Variants in DGAT1 observed in about 807,000 individuals in gnomAD.
DGAT1 encodes ACAT related gene product 1.
DGAT1 carries 60 observed loss-of-function variants against 72.6 expected under a neutral mutation model. The ratio of observed to expected loss-of-function variants is 0.83; its 90% confidence interval spans 0.67 to 1.02. The LOEUF (loss-of-function observed/expected upper bound fraction) is 1.02. DGAT1 is among the 50% of genes least tolerant of loss of function. DGAT1 has a pLI of 0.00. For missense variants in DGAT1, 592 were observed against 670.0 expected, an observed-to-expected ratio of 0.88 and a Z score of 1.29; for synonymous variants, 290 against 267.5, an observed-to-expected ratio of 1.08 and a Z score of -0.82.
Position 144,318,764 on chromosome 8 carries a change from G to A in DGAT1, c.416-13C>T. The A allele has an allele frequency of 6.2e-7, 1 of 1,606,622 alleles. No homozygotes were observed. Among genetic ancestry groups the A allele is most frequent in the Non-Finnish European group, 8.5e-7 (1 of 1,176,878 alleles). ...AAGACATTGGCCGCTGTGGACAGAAGCACCAAGGGGCAGGTTTAGGGCCAC... is the reference window on the plus strand; with the variant it reads ...AAGACATTGGCCGCTGTGGACAGAAACACCAAGGGGCAGGTTTAGGGCCAC... On this transcript the variant is annotated splice_polypyrimidine_tract_variant and intron_variant, in intron 4 of 16. Coordinates refer to ENST00000528718, the MANE Select transcript of DGAT1 (RefSeq NM_012079.6).
chr8:144,324,714 C>A (rs1406751333), intron 1 of DGAT1, among the ~76,000 whole-genome samples: 9 of 152,172 alleles, frequency 5.9e-5, no homozygotes, highest in African/African-American at 2.2e-4. Flanking sequence ...TCTCCCCTGC[C>A]TACCCCCAGG....
intron 1 of DGAT1, among the ~76,000 whole-genome samples, chr8:144,322,301 G>C (rs182078523): frequency 2.8e-4 from 43 of 152,332 alleles, no homozygotes; most frequent in Non-Finnish European, 5.7e-4. Context: ...ACTAGCTGCA[G>C]GCCCGCCTCA....
intron 1 of DGAT1, 94 bp downstream of exon 1, chr8:144,326,343 C>T (rs1817591823): frequency 8.6e-7 from 1 of 1,165,390 alleles, no homozygotes; most frequent in Non-Finnish European, 1.1e-6. Flanking sequence ...TAGCCCAGGG[C>T]CCATGTTCTC....
intron 1 of DGAT1, among the ~76,000 whole-genome samples, chr8:144,323,900 C>T (rs1817526716): frequency 6.6e-6 from 1 of 152,260 alleles, no homozygotes; most frequent in Non-Finnish European, 1.5e-5. Context: ...ACTGCCGCCT[C>T]CTCCACTCTG....
At chr8:144,323,070 T>C (rs1554848357) in intron 1 of DGAT1, among the ~76,000 whole-genome samples, 3 of 152,168 alleles carry the variant, frequency 2.0e-5, no homozygotes, top group Non-Finnish European at 1.5e-5. Context: ...CTGCCCCCTC[T>C]TCCCCAAGTT....
intron 15 of DGAT1, 47 bp from the exon 16 acceptor site, chr8:144,316,962 TC>T: frequency 1.9e-6 from 3 of 1,612,028 alleles, no homozygotes; most frequent in Non-Finnish European, 2.5e-6. Context: ...GTGTCAGCCG[TC>T]CCTGCTGTGG....
chr8:144,315,849 G>A lies in DGAT1; in HGVS notation c.*705C>T. The A allele has an allele frequency of 1.0e-6, 1 of 985,340 alleles. No homozygotes were observed. The highest frequency in any genetic ancestry group is 1.2e-6 in the Non-Finnish European group (1 of 829,824). The allele number at this position is 985,340 out of a possible 1,614,324, so 61.0% of individuals were successfully genotyped here. On this transcript the variant is annotated 3_prime_UTR_variant, in exon 17 of 17. Transcript: ENST00000528718. Reference sequence around the variant, plus strand: ...CCCTGCCCCAAGGCGAATAGCCATGGACATAGCCATTGTGTACCGTAGCCC... The same window carrying A: ...CCCTGCCCCAAGGCGAATAGCCATGAACATAGCCATTGTGTACCGTAGCCC...
At chr8:144,322,245 T>C (rs1025639222) in intron 1 of DGAT1, among the ~76,000 whole-genome samples, 1 of 152,122 alleles carries the variant, frequency 6.6e-6, no homozygotes, top group African/African-American at 2.4e-5. Flanking sequence ...AGCAAGAGCT[T>C]GGCCAGGCCC....
rs1430320628 is a variant in DGAT1, at chr8:144,314,676, GA to G, written c.*1877del. On this transcript the variant is annotated 3_prime_UTR_variant, in exon 17 of 17. Transcript: ENST00000528718. ...CACAGATATATACACACAGTGGATG[GA>G]CGGACAAGACAGGCAGAGATCTATA... 1 of 303,292 alleles carries G rather than the reference GA, an allele frequency of 3.3e-6. No individual in the cohort carries two copies. Among genetic ancestry groups the G allele is most frequent in the Non-Finnish European group, 6.3e-6 (1 of 158,894 alleles). 18.8% of individuals were successfully genotyped at this position (303,292 alleles called of 1,614,324 possible).
At chr8:144,322,573 G>A (rs932575508) in intron 1 of DGAT1, among the ~76,000 whole-genome samples, 6 of 152,188 alleles carry the variant, frequency 3.9e-5, no homozygotes, top group South Asian at 2.1e-4. Context: ...CAGGGAGGCC[G>A]AGAGGCAATG....
At chr8:144,318,587 C>G (rs1817335832) in intron 5 of DGAT1, 21 bp from the exon 6 acceptor site, 2 of 1,609,454 alleles carry the variant, frequency 1.2e-6, no homozygotes, top group Non-Finnish European at 1.7e-6. Flanking sequence ...GAGCAGAGCA[C>G]TCAACCAGGG....
Position 144,316,028 on chromosome 8 carries a change from C to G in DGAT1, c.*526G>C, listed in dbSNP as rs1226453685. 6.6e-6 allele frequency: 5 copies of G among 752,722 alleles called. No homozygotes were observed. Among genetic ancestry groups the G allele is most frequent in the Non-Finnish European group, 4.9e-6 (3 of 615,930 alleles). 46.6% of individuals were successfully genotyped at this position (752,722 alleles called of 1,614,324 possible). ...CAAGTTGACCATCCTGCACTGAGGG[C>G]CAGAGTGCCGATTCCCGCACACCCA... is the stretch of plus-strand genomic sequence containing the variant. On this transcript the variant is annotated 3_prime_UTR_variant, in exon 17 of 17. Coordinates refer to ENST00000528718, the MANE Select transcript of DGAT1 (RefSeq NM_012079.6).
At position 144,318,731 on chromosome 8, in the gene DGAT1, C is replaced by T. The variant is rs1554847728; in HGVS notation, c.436G>A (p.Ala146Thr). ...AGGCGCTTCTCAACCTGGAATGCAG[C>T]CACAGCAAAGACATTGGCCGCTGTG... ...LVIAANVFAV[A>T]AFQVEKRLAV... The change falls in exon 5 of 17, where the codon GCT (alanine) becomes ACT (threonine). Residue 146 changes from alanine (A) to threonine (T), a missense_variant. Coordinates refer to ENST00000528718, the MANE Select transcript of DGAT1 (RefSeq NM_012079.6). 1 of 1,608,126 alleles carries T rather than the reference C, an allele frequency of 6.2e-7. No individual in the cohort carries two copies.
Position 144,315,255 on chromosome 8 carries a change from C to T in DGAT1, c.*1299G>A, listed in dbSNP as rs1003346515. ...TGGAGGAGTCGGCCCCACACCCATC[C>T]CCCCACCAGGAGCTCACCCACTACT... On this transcript the variant is annotated 3_prime_UTR_variant, in exon 17 of 17. Coordinates refer to ENST00000528718, the MANE Select transcript of DGAT1 (RefSeq NM_012079.6). The T allele has an allele frequency of 1.0e-6, 1 of 985,390 alleles. No individual in the cohort carries two copies. Among genetic ancestry groups the T allele is most frequent in the Non-Finnish European group, 1.2e-6 (1 of 829,868 alleles). The allele number at this position is 985,390 out of a possible 1,614,324, so 61.0% of individuals were successfully genotyped here. A position where few individuals can be genotyped will look rare whatever the true frequency, so the allele number is the denominator to read the frequency against.
At chr8:144,318,068 G>A (rs200768512) in intron 8 of DGAT1, 27 bp downstream of exon 8, 24 of 1,520,396 alleles carry the variant, frequency 1.6e-5, no homozygotes, top group African/African-American at 6.9e-5. Flanking sequence ...CCTGTCCCCC[G>A]CACCTCAGGC....
chr8:144,324,609 G>T (rs981250322), intron 1 of DGAT1, among the ~76,000 whole-genome samples: 1 of 151,908 alleles, frequency 6.6e-6, no homozygotes, highest in Non-Finnish European at 1.5e-5. Flanking sequence ...CAGGGACAGG[G>T]ACTCACCAGG....
intron 1 of DGAT1, among the ~76,000 whole-genome samples, chr8:144,322,502 A>C (rs1020654832): frequency 1.3e-5 from 2 of 152,132 alleles, no homozygotes; most frequent in Non-Finnish European, 2.9e-5. Flanking sequence ...CAGGGCACCC[A>C]AGGCAAGCTG....
intron 2 of DGAT1, among the ~76,000 whole-genome samples, chr8:144,319,804 GC>G (rs1347421162): frequency 2.0e-4 from 30 of 152,194 alleles, no homozygotes; most frequent in Non-Finnish European, 2.9e-4. Context: ...CATCTTACAA[GC>G]ACTACCAACA....
chr8:144,324,328 G>A (rs1196146830), intron 1 of DGAT1, among the ~76,000 whole-genome samples: 1 of 152,194 alleles, frequency 6.6e-6, no homozygotes, highest in Non-Finnish European at 1.5e-5. Context: ...AGGGAGGGGA[G>A]GCTGTGAGGC....
Sources: allele counts gnomAD v4.1 joint callset (sites outside exome capture counted in the v4.1 genomes callset), GRCh38; gene constraint gnomAD v4.1.1; transcripts MANE v1.5; gene names NCBI Gene and HGNC (gene_info 2026-07-23, HGNC 2026-07-21).